Variants in TENM4 observed in about 807,000 individuals in gnomAD.
The protein encoded by TENM4 is teneurin-4.
In TENM4, 82 loss-of-function variants were observed where a neutral mutation model predicts 243.3. The ratio of observed to expected loss-of-function variants is 0.34; its 90% CI spans 0.28 to 0.40. The LOEUF (loss-of-function observed/expected upper bound fraction) is 0.40. Among genes scored for constraint, TENM4 ranks in the 10% least tolerant of loss-of-function variants. The pLI, the probability that TENM4 is intolerant of heterozygous loss-of-function variation, is 1.00. For synonymous variants in TENM4, 1,412 were observed against 1,456.3 expected (o/e 0.97, Z 0.69); for missense variants, 3,138 against 3,673.3 (o/e 0.85, Z 3.77).
intron 1 of TENM4, among the ~76,000 whole-genome samples, chr11:79,352,430 C>G (rs867013818): frequency 6.6e-6 from 1 of 152,228 alleles, no homozygotes; most frequent in Non-Finnish European, 1.5e-5. Flanking sequence ...CTGCCCCAAT[C>G]ATGCCCAGCC....
chr11:79,087,153 T>C (rs1384593400), intron 4 of TENM4, among the ~76,000 whole-genome samples: 1 of 152,198 alleles, frequency 6.6e-6, no homozygotes, highest in East Asian at 1.9e-4. Context: ...GCTATGATCC[T>C]GTATTAAATA....
chr11:79,232,571 A>G (rs1006621261), intron 2 of TENM4, among the ~76,000 whole-genome samples: 1 of 152,208 alleles, frequency 6.6e-6, no homozygotes, highest in Non-Finnish European at 1.5e-5. Context: ...AGATGTGGTG[A>G]GGCAGGAGCT....
At chr11:78,904,846 A>G (rs1856027818) in intron 6 of TENM4, among the ~76,000 whole-genome samples, 1 of 152,362 alleles carries the variant, frequency 6.6e-6, no homozygotes, top group East Asian at 1.9e-4. Context: ...ATTTCTGGTG[A>G]TACCACAAAT....
intron 5 of TENM4, among the ~76,000 whole-genome samples, chr11:79,067,348 C>T (rs1398734949): frequency 1.3e-5 from 2 of 151,510 alleles, no homozygotes; most frequent in East Asian, 3.9e-4. Context: ...ATCACACTCC[C>T]TGGCCGCTCT....
At chr11:78,744,061 G>A (rs1057328996) in intron 19 of TENM4, among the ~76,000 whole-genome samples, 2 of 152,226 alleles carry the variant, frequency 1.3e-5, no homozygotes, top group African/African-American at 2.4e-5. Context: ...AACTTCTGCT[G>A]ATTGAATGGG....
chr11:79,336,169 C>T (rs936866331), intron 1 of TENM4, among the ~76,000 whole-genome samples: 2 of 151,658 alleles, frequency 1.3e-5, no homozygotes, highest in African/African-American at 4.9e-5. Context: ...ATTTTCCCCC[C>T]TCCAAGATGG....
chr11:78,961,662 C>A (rs964276165), intron 6 of TENM4, among the ~76,000 whole-genome samples: 4 of 152,206 alleles, frequency 2.6e-5, no homozygotes, highest in African/African-American at 9.6e-5. Flanking sequence ...GGTAATCCTT[C>A]TCAGTTTTTC....
chr11:79,155,173 A>G (rs528895678), intron 3 of TENM4, among the ~76,000 whole-genome samples: 1 of 152,062 alleles, frequency 6.6e-6, no homozygotes, highest in East Asian at 1.9e-4. Flanking sequence ...GGCAAACCCT[A>G]GCGGGACCCA....
intron 33 of TENM4, among the ~76,000 whole-genome samples, chr11:78,659,098 T>A (rs1289128731): frequency 1.3e-5 from 2 of 152,102 alleles, no homozygotes; most frequent in Non-Finnish European, 2.9e-5. Flanking sequence ...GAAAAATGAA[T>A]CAGACATCAT....
At chr11:78,937,206 A>G (rs747282975) in intron 6 of TENM4, among the ~76,000 whole-genome samples, 2 of 152,086 alleles carry the variant, frequency 1.3e-5, no homozygotes, top group Non-Finnish European at 2.9e-5. Context: ...TCTGGTAGAT[A>G]CCCACTCTCC....
At chr11:79,354,654 A>T (rs978136464) in intron 1 of TENM4, among the ~76,000 whole-genome samples, 1 of 152,208 alleles carries the variant, frequency 6.6e-6, no homozygotes, top group African/African-American at 2.4e-5. Flanking sequence ...CTGTGTACCA[A>T]AGAGGTCTGA....
chr11:79,327,692 T>A (rs1370808018), intron 1 of TENM4, among the ~76,000 whole-genome samples: 2 of 150,140 alleles, frequency 1.3e-5, no homozygotes, highest in African/African-American at 5.0e-5. Context: ...CCTGTACCCT[T>A]TGCCCCAAAC....
At chr11:79,191,762 G>A (rs1163128831) in intron 3 of TENM4, 3 of 189,096 alleles carry the variant, frequency 1.6e-5, no homozygotes, top group South Asian at 8.8e-5. Flanking sequence ...TGTGAGGAGC[G>A]CCTCGTCCCG....
intron 1 of TENM4, among the ~76,000 whole-genome samples, chr11:79,353,756 G>A (rs1355304592): frequency 5.6e-5 from 8 of 142,894 alleles, no homozygotes; most frequent in Admixed American, 7.0e-5. Context: ...GAAAAAGGAG[G>A]AAAAAAAAAA....
At chr11:79,143,461 G>A (rs1295611397) in intron 4 of TENM4, among the ~76,000 whole-genome samples, 1 of 152,026 alleles carries the variant, frequency 6.6e-6, no homozygotes, top group Non-Finnish European at 1.5e-5. Context: ...TCACTCATAG[G>A]TCGGAATTTA....
intron 3 of TENM4, among the ~76,000 whole-genome samples, chr11:79,167,375 CAT>C (rs752563525): frequency 2.0e-5 from 3 of 152,158 alleles, no homozygotes; most frequent in Non-Finnish European, 4.4e-5. Flanking sequence ...GGATGGCTAA[CAT>C]ATATTGAGCA....
At chr11:79,409,452 T>C (rs1035210338) in intron 1 of TENM4, among the ~76,000 whole-genome samples, 3 of 152,130 alleles carry the variant, frequency 2.0e-5, no homozygotes, top group Non-Finnish European at 4.4e-5. Context: ...TAAAATGGAA[T>C]GAGGGGCGGC....
chr11:79,236,048 T>C (rs1355687291), intron 2 of TENM4, among the ~76,000 whole-genome samples: 1 of 152,176 alleles, frequency 6.6e-6, no homozygotes, highest in Non-Finnish European at 1.5e-5. Flanking sequence ...TTCGGGAGAC[T>C]TGATTCCTGT....
At chr11:78,676,528 G>A in intron 29 of TENM4, 141 bp from the exon 30 acceptor site, 1 of 517,606 alleles carries the variant, frequency 1.9e-6, no homozygotes, top group Non-Finnish European at 3.2e-6. Flanking sequence ...AGAAAGCGAG[G>A]AAAATACATG....
Sources: allele counts gnomAD v4.1 joint callset (sites outside exome capture counted in the v4.1 genomes callset), GRCh38; gene constraint gnomAD v4.1.1; transcripts MANE v1.5; gene names NCBI Gene and HGNC (gene_info 2026-07-23, HGNC 2026-07-21).